The following PIK3R6 variants were observed in gnomAD, a reference collection of about 807,000 sequenced individuals.
The protein encoded by PIK3R6 is phosphoinositide-3-kinase regulatory subunit 6.
In PIK3R6, 91 loss-of-function variants were observed where a neutral mutation model predicts 84.9. The ratio of observed to expected loss-of-function variants is 1.07; its 90% CI spans 0.90 to 1.28. The LOEUF is 1.28. Ranked by LOEUF, PIK3R6 falls within the 50% of genes most tolerant of loss-of-function variation. PIK3R6 has a pLI of 0.00. For synonymous variants in PIK3R6, 416 were observed against 411.4 expected (o/e 1.01, Z -0.13); for missense variants, 996 against 985.1 (o/e 1.01, Z -0.15).
intron 1 of PIK3R6, among the ~76,000 whole-genome samples, chr17:8,863,707 T>C (rs2089335473): frequency 6.6e-6 from 1 of 152,078 alleles, no homozygotes; most frequent in South Asian, 2.1e-4. Flanking sequence ...GCTAATTTTG[T>C]GTATTTTAGT....
At chr17:8,821,219 G>A (rs2087720500) in intron 17 of PIK3R6, among the ~76,000 whole-genome samples, 1 of 152,198 alleles carries the variant, frequency 6.6e-6, no homozygotes, top group African/African-American at 2.4e-5. Context: ...GCTCTTGCAT[G>A]AGAATACCTG....
In PIK3R6 at chr17:8,803,679, G is replaced by A. The variant is rs1421193414; in HGVS notation, c.2109-250C>T. 5 of 548,966 alleles carry A rather than the reference G, an allele frequency of 9.1e-6. No homozygotes were observed. The highest frequency in any genetic ancestry group is 1.6e-5 in the Non-Finnish European group (5 of 310,654). The allele number at this position is 548,966 out of a possible 1,614,324, so 34.0% of individuals were successfully genotyped here. ...TCCCTTACCCAAACACACCTCCCGAGGGGAAGCCAGTAAGGGTCAGCTAAC... is the reference window on the plus strand; with the variant it reads ...TCCCTTACCCAAACACACCTCCCGAAGGGAAGCCAGTAAGGGTCAGCTAAC... On this transcript the variant is annotated intron_variant, in intron 19 of 19. Coordinates refer to ENST00000619866, the MANE Select transcript of PIK3R6 (RefSeq NM_001010855.4). The surrounding 1 kb of genome is among the most constrained non-coding windows in gnomAD (Gnocchi z 5.0).
chr17:8,820,581 C>T (rs116533959), intron 17 of PIK3R6, among the ~76,000 whole-genome samples: 177 of 152,298 alleles, frequency 1.2e-3, no homozygotes, highest in Middle Eastern at 3.4e-3. Flanking sequence ...CACAATTATG[C>T]GTCTCCTTCA....
chr17:8,838,376 T>C, intron 4 of PIK3R6, 188 bp downstream of exon 4: 1 of 548,568 alleles, frequency 1.8e-6, no homozygotes. Flanking sequence ...TTTATTCAAG[T>C]AAAACAATGA....
chr17:8,818,044 G>A lies in PIK3R6; in HGVS notation c.1995+1039C>T, dbSNP rs2087601447. Among the ~76,000 whole-genome samples the A allele has an allele frequency of 2.0e-5, 3 of 152,252 alleles. No individual in the cohort carries two copies. The South Asian group carries it at 6.2e-4, about 32-fold the overall frequency. ...CTGCAAACAGATAGAGAAGAGCCTG[G>A]AGGGGGAGGGGGAGGAAAGGGCTGA... On this transcript the variant is annotated intron_variant, in intron 18 of 19. Transcript: ENST00000619866.
At position 8,849,889 on chromosome 17, in the gene PIK3R6, CAAAAT is replaced by C; in HGVS notation, c.-91-9_-91-5del. ...GCTTTTCTGCACAGAGGTGGTTCTG[CAAAAT>C]AAGAGGTAGTTAATTAGTGGAAGCA... On this transcript the variant is annotated splice_polypyrimidine_tract_variant and splice_region_variant and intron_variant, in intron 1 of 19. Coordinates refer to ENST00000619866, the MANE Select transcript of PIK3R6 (RefSeq NM_001010855.4). 6.7e-7 allele frequency: 1 copy of C among 1,498,002 alleles called. No individual in the cohort carries two copies. Among genetic ancestry groups the C allele is most frequent in the Admixed American group, 2.1e-5 (1 of 47,612 alleles). The allele number at this position is 1,498,002 out of a possible 1,614,324, so 92.8% of individuals were successfully genotyped here. A position where few individuals can be genotyped will look rare whatever the true frequency, so the allele number is the denominator to read the frequency against.
chr17:8,858,645 A>C (rs1415747218), intron 1 of PIK3R6, among the ~76,000 whole-genome samples: 1 of 152,120 alleles, frequency 6.6e-6, no homozygotes, highest in Non-Finnish European at 1.5e-5. Context: ...ATGGAAGCTC[A>C]TTGTATGCAC....
chr17:8,843,347 T>C (rs1242411217), intron 2 of PIK3R6, among the ~76,000 whole-genome samples: 1 of 152,146 alleles, frequency 6.6e-6, no homozygotes, highest in Non-Finnish European at 1.5e-5. Flanking sequence ...TTATTCTGTC[T>C]TCCATTGTAT....
rs1662660954 is a variant in PIK3R6, at chr17:8,828,777, CG to C, written c.1102del (p.Arg368AlafsTer15). On this transcript the variant is annotated frameshift_variant, in exon 11 of 20. Coordinates refer to ENST00000619866, the MANE Select transcript of PIK3R6 (RefSeq NM_001010855.4). LOFTEE classifies it high-confidence loss of function. ...TGCACGCTTCTTGATGCCCCCTTTG[CG>C]CTGCAGCCCGGCTCGCTCCATCTCA... ...SPEMERAGLQRKGGIKKRAWP... is the reference protein window; with the variant it reads ...SPEMERAGLQXKGGIKKRAWP... 3.8e-6 allele frequency: 6 copies of C among 1,588,432 alleles called. No homozygotes were observed. The South Asian group carries it at 6.8e-5, about 18-fold the overall frequency.
intron 1 of PIK3R6, among the ~76,000 whole-genome samples, chr17:8,864,529 C>A (rs181869264): frequency 4.6e-5 from 3 of 65,596 alleles, no homozygotes; most frequent in South Asian, 6.0e-4. Flanking sequence ...CTTCACAGCT[C>A]TTTTTTTTTT....
intron 18 of PIK3R6, among the ~76,000 whole-genome samples, chr17:8,818,159 C>G (rs1192929417): frequency 1.3e-5 from 2 of 152,154 alleles, no homozygotes; most frequent in Non-Finnish European, 2.9e-5. Flanking sequence ...AAGCACTTGG[C>G]CACCTGGGCA....
At chr17:8,827,052 G>C in intron 13 of PIK3R6, 120 bp downstream of exon 13, 1 of 1,180,020 alleles carries the variant, frequency 8.5e-7, no homozygotes, top group Non-Finnish European at 1.2e-6. Flanking sequence ...GCAGCAAAAA[G>C]ATGGCCCCCT....
chr17:8,866,275 T>G (rs1030967552), intron 1 of PIK3R6, among the ~76,000 whole-genome samples: 5 of 152,090 alleles, frequency 3.3e-5, no homozygotes, highest in Non-Finnish European at 7.4e-5. Context: ...CTGTGGCTCA[T>G]GCCTGTAATC....
At chr17:8,856,177 T>C (rs1248953373) in intron 1 of PIK3R6, among the ~76,000 whole-genome samples, 1 of 152,242 alleles carries the variant, frequency 6.6e-6, no homozygotes, top group Admixed American at 6.5e-5. Context: ...ATCTCTTTTT[T>C]AGTCAAACTT....
At chr17:8,843,415 C>A (rs2088737748) in intron 2 of PIK3R6, among the ~76,000 whole-genome samples, 1 of 152,142 alleles carries the variant, frequency 6.6e-6, no homozygotes, top group Non-Finnish European at 1.5e-5. Flanking sequence ...TTCCCCTCAT[C>A]AGAAGCACAG....
chr17:8,822,562 A>G, intron 16 of PIK3R6, 25 bp downstream of exon 16: 1 of 1,612,908 alleles, frequency 6.2e-7, no homozygotes. Flanking sequence ...TTGGCTACCT[A>G]CTGACCACGT....
chr17:8,865,740 T>C (rs1265944321), intron 1 of PIK3R6, among the ~76,000 whole-genome samples: 1 of 152,008 alleles, frequency 6.6e-6, no homozygotes, highest in African/African-American at 2.4e-5. Context: ...GAGGTCTACT[T>C]CTCAGATTCC....
rs1005743431 is a variant in PIK3R6, at chr17:8,802,727, T to G, written c.*546A>C. The G allele has an allele frequency of 1.3e-5, 2 of 157,932 alleles. No homozygotes were observed. The highest frequency in any genetic ancestry group is 1.2e-4 in the Admixed American group (2 of 16,488). The allele number at this position is 157,932 out of a possible 1,614,324, so 9.8% of individuals were successfully genotyped here. A position where few individuals can be genotyped will look rare whatever the true frequency, so the allele number is the denominator to read the frequency against. ...CATATAAATATTGCCAGGTATGAGA[T>G]GAAAGCAGAAAGACTTCAGTGTACA... On this transcript the variant is annotated 3_prime_UTR_variant, in exon 20 of 20. Coordinates refer to ENST00000619866, the MANE Select transcript of PIK3R6 (RefSeq NM_001010855.4).
At chr17:8,805,908 ACT>A (rs768089491) in intron 18 of PIK3R6, among the ~76,000 whole-genome samples, 16 of 148,096 alleles carry the variant, frequency 1.1e-4, no homozygotes, top group Non-Finnish European at 1.5e-4. Context: ...ACAGAATGAG[ACT>A]CTGTCTCAAA....
Sources: allele counts gnomAD v4.1 joint callset (sites outside exome capture counted in the v4.1 genomes callset), GRCh38; gene constraint gnomAD v4.1.1; non-coding constraint Gnocchi (gnomAD v3.1); transcripts MANE v1.5; gene names NCBI Gene and HGNC (gene_info 2026-07-23, HGNC 2026-07-21).